SIAH2: variants seen among roughly 807,000 people sequenced by gnomAD.
The protein encoded by SIAH2 is siah E3 ubiquitin protein ligase 2.
Under a neutral mutation model 20.4 loss-of-function variants are expected in SIAH2, and 4 were observed. That is an observed-to-expected ratio of 0.20 (90% CI 0.10 to 0.45). The LOEUF (loss-of-function observed/expected upper bound fraction) is 0.45. Among genes scored for constraint, SIAH2 ranks in the 20% least tolerant of loss-of-function variants. The pLI is 0.99. For synonymous variants in SIAH2, 171 were observed against 192.5 expected, an observed-to-expected ratio of 0.89 and a Z score of 0.93; for missense variants, 259 against 440.3, an observed-to-expected ratio of 0.59 and a Z score of 3.69.
At chr3:150,747,094 G>T (rs1714232804) in intron 1 of SIAH2, among the ~76,000 whole-genome samples, 1 of 152,160 alleles carries the variant, frequency 6.6e-6, no homozygotes, top group South Asian at 2.1e-4. Flanking sequence ...TCAATATTTT[G>T]GGAAAAATAA....
chr3:150,754,692 C>T (rs1402878620), intron 1 of SIAH2, among the ~76,000 whole-genome samples: 1 of 152,120 alleles, frequency 6.6e-6, no homozygotes, highest in African/African-American at 2.4e-5. Context: ...TAATTTTATA[C>T]TATTTTCTAT....
rs914898191 is a variant in SIAH2, at chr3:150,742,076, A to T, written c.*65T>A. On this transcript the variant is annotated 3_prime_UTR_variant, in exon 2 of 2. Transcript: ENST00000312960. This position sits in a 1 kb window ranked among gnomAD's most constrained non-coding sequence, Gnocchi z 4.8. ...TGAAGACATATGGAATAAAACATCT[A>T]TAAAAACCTTTATTAAACATAGAGC... is the stretch of plus-strand genomic sequence containing the variant. 23 of 1,438,072 alleles carry T rather than the reference A, an allele frequency of 1.6e-5. No individual in the cohort carries two copies. In the African/African-American group the frequency reaches 2.6e-4, roughly 16 times the overall value. 89.1% of individuals were successfully genotyped at this position (1,438,072 alleles called of 1,614,324 possible).
intron 1 of SIAH2, among the ~76,000 whole-genome samples, chr3:150,743,357 T>A (rs1714140267): frequency 6.6e-6 from 1 of 152,246 alleles, no homozygotes; most frequent in African/African-American, 2.4e-5. Flanking sequence ...TTTGCCCATA[T>A]TTTTTGGGTG....
chr3:150,750,775 T>C (rs908952068), intron 1 of SIAH2, among the ~76,000 whole-genome samples: 3 of 152,182 alleles, frequency 2.0e-5, no homozygotes, highest in Non-Finnish European at 4.4e-5. Context: ...ATGAGCACAG[T>C]TGTCCTTTTG....
intron 1 of SIAH2, among the ~76,000 whole-genome samples, chr3:150,745,266 CACACACACACA>C (rs1374862802): frequency 4.3e-4 from 65 of 151,904 alleles, no homozygotes; most frequent in African/African-American, 1.5e-3. Flanking sequence ...CACACACACA[CACACACACACA>C]CCCCACATTT....
In SIAH2 at chr3:150,762,956, G is replaced by A. The variant is rs1434312104; in HGVS notation, c.-107C>T. On this transcript the variant is annotated 5_prime_UTR_variant, in exon 1 of 2. Coordinates refer to ENST00000312960, the MANE Select transcript of SIAH2 (RefSeq NM_005067.7). This position sits in a 1 kb window ranked among gnomAD's most constrained non-coding sequence, Gnocchi z 6.6. The stretch of plus-strand genomic sequence containing the variant: ...CAGCGAGCTCCGAGGCAACGCCACG[G>A]CGCCCAGCCCAGGTCCGGGCGGCGG... 7 of 1,097,042 alleles carry A rather than the reference G, an allele frequency of 6.4e-6. No individual in the cohort carries two copies. The East Asian group carries it at 3.3e-4, about 52-fold the overall frequency. The allele number at this position is 1,097,042 out of a possible 1,614,324, so 68.0% of individuals were successfully genotyped here.
At chr3:150,761,989 G>C (rs370613862) in intron 1 of SIAH2, 2 of 164,880 alleles carry the variant, frequency 1.2e-5, no homozygotes, top group African/African-American at 4.8e-5. Flanking sequence ...CGGTAGGCGC[G>C]GGGTGCAGGA....
At chr3:150,760,524 G>A (rs754217385) in intron 1 of SIAH2, among the ~76,000 whole-genome samples, 3 of 152,222 alleles carry the variant, frequency 2.0e-5, no homozygotes, top group Non-Finnish European at 4.4e-5. Context: ...AGGAACCAGA[G>A]TTCTAGATCC....
intron 1 of SIAH2, among the ~76,000 whole-genome samples, chr3:150,752,480 G>C (rs1018987122): frequency 5.3e-5 from 8 of 152,182 alleles, no homozygotes; most frequent in African/African-American, 1.9e-4. Context: ...GTGATGGCAT[G>C]AGCCTGAAAT....
At chr3:150,756,234 G>A (rs1714482675) in intron 1 of SIAH2, among the ~76,000 whole-genome samples, 1 of 152,144 alleles carries the variant, frequency 6.6e-6, no homozygotes, top group Admixed American at 6.5e-5. Flanking sequence ...TGTCCAGCGT[G>A]GAACCACATT....
rs145197958 is a variant in SIAH2 at position 150,755,737 on chromosome 3, G to A, written c.417+6696C>T. Among the ~76,000 whole-genome samples the A allele has an allele frequency of 2.1e-3, 324 of 151,918 alleles. 1 individual carries two copies. Among genetic ancestry groups the A allele is most frequent in the African/African-American group, 7.1e-3 (294 of 41,414 alleles). On this transcript the variant is annotated intron_variant, in intron 1 of 1. Coordinates refer to ENST00000312960, the MANE Select transcript of SIAH2 (RefSeq NM_005067.7). Reference sequence around the variant, plus strand: ...ACTCCATGTTGGTCAGGCTGGTCTCGAACTCCCAATCTCAGGTGATCTGCC... The same window carrying A: ...ACTCCATGTTGGTCAGGCTGGTCTCAAACTCCCAATCTCAGGTGATCTGCC...
At chr3:150,749,275 G>C (rs1188535445) in intron 1 of SIAH2, among the ~76,000 whole-genome samples, 1 of 152,084 alleles carries the variant, frequency 6.6e-6, no homozygotes, top group African/African-American at 2.4e-5. Context: ...GAGATGAAGG[G>C]ACTGCTTGAG....
At chr3:150,761,773 C>T (rs1034585925) in intron 1 of SIAH2, among the ~76,000 whole-genome samples, 2 of 151,980 alleles carry the variant, frequency 1.3e-5, no homozygotes, top group African/African-American at 4.8e-5. Flanking sequence ...CTCTTGAGTG[C>T]CCTTGTTAAT....
rs1201210320 is a variant in SIAH2 at position 150,763,017 on chromosome 3, G to A, written c.-168C>T. On this transcript the variant is annotated 5_prime_UTR_variant, in exon 1 of 2. Transcript: ENST00000312960. The surrounding 1 kb of genome is among the most constrained non-coding windows in gnomAD (Gnocchi z 4.1). ...CGCCCGGCAGGCGGAGGGCTGGACC[G>A]CGCTGATGCACTCCGCAGCCCCCGG... 17 of 679,962 alleles carry A rather than the reference G, an allele frequency of 2.5e-5. No individual in the cohort carries two copies. The highest frequency in any genetic ancestry group is 6.2e-4 in the Middle Eastern group (1 of 1,610). The allele number at this position is 679,962 out of a possible 1,614,324, so 42.1% of individuals were successfully genotyped here. A position where few individuals can be genotyped will look rare whatever the true frequency, so the allele number is the denominator to read the frequency against.
intron 1 of SIAH2, among the ~76,000 whole-genome samples, chr3:150,751,647 G>C (rs1714367649): frequency 6.6e-6 from 1 of 152,074 alleles, no homozygotes; most frequent in Non-Finnish European, 1.5e-5. Flanking sequence ...TGTCCTTTTT[G>C]CCTAAGAGAA....
In SIAH2 at chr3:150,742,226, A is replaced by C; in HGVS notation, c.890T>G (p.Leu297Arg). The C allele has an allele frequency of 6.2e-7, 1 of 1,614,214 alleles. No homozygotes were observed. The highest frequency in any genetic ancestry group is 8.5e-7 in the Non-Finnish European group (1 of 1,180,040). ...VAAAIMNSDC[L>R]VFDTAIAHLF... ...ATGTGCTATGGCTGTGTCGAAAACA[A>C]GGCAGTCGCTGTTCATGATGGCCGC... The change falls in exon 2 of 2, where the codon CTT becomes CGT. Residue 297 changes from leucine to arginine, a missense_variant. Physicochemically the swap from Leu to Arg is moderately radical, Grantham distance 102. Transcript: ENST00000312960. The surrounding 1 kb of genome is among the most constrained non-coding windows in gnomAD (Gnocchi z 4.8).
chr3:150,758,348 G>A (rs954804948), intron 1 of SIAH2, among the ~76,000 whole-genome samples: 3 of 152,072 alleles, frequency 2.0e-5, no homozygotes, highest in South Asian at 2.1e-4. Flanking sequence ...GTTGTAGAGA[G>A]AAATACTTGG....
chr3:150,762,362 G>T lies in SIAH2; in HGVS notation c.417+71C>A. ...AGATGCCGCCCGCCTCTCCGGGCCT[G>T]CGAGTGGGCTGGCGGATACCGGAGT... On this transcript the variant is annotated intron_variant, in intron 1 of 1. Coordinates refer to ENST00000312960, the MANE Select transcript of SIAH2 (RefSeq NM_005067.7). The surrounding 1 kb of genome is among the most constrained non-coding windows in gnomAD (Gnocchi z 6.6). The T allele has an allele frequency of 1.3e-6, 2 of 1,524,706 alleles. No individual in the cohort carries two copies. Among genetic ancestry groups the T allele is most frequent in the Non-Finnish European group, 1.8e-6 (2 of 1,139,014 alleles). The allele number at this position is 1,524,706 out of a possible 1,614,324, so 94.4% of individuals were successfully genotyped here.
At chr3:150,750,534 T>C (rs1399748817) in intron 1 of SIAH2, among the ~76,000 whole-genome samples, 7 of 152,236 alleles carry the variant, frequency 4.6e-5, no homozygotes. Context: ...TTGATGAAAG[T>C]GTTTCACATA....
Sources: allele counts gnomAD v4.1 joint callset (sites outside exome capture counted in the v4.1 genomes callset), GRCh38; gene constraint gnomAD v4.1.1; non-coding constraint Gnocchi (gnomAD v3.1); transcripts MANE v1.5; gene names NCBI Gene and HGNC (gene_info 2026-07-23, HGNC 2026-07-21).